The following ATP8B4 variants were observed in gnomAD, a reference collection of about 807,000 sequenced individuals.
The protein encoded by ATP8B4 is ATPase phospholipid transporting 8B4 (putative).
ATP8B4 carries 133 observed loss-of-function variants against 145.6 expected under a neutral mutation model. The ratio of observed to expected loss-of-function variants is 0.91; its 90% confidence interval spans 0.79 to 1.05. ATP8B4 has a LOEUF of 1.05. Ranked by LOEUF, ATP8B4 falls within the 50% of genes least tolerant of loss-of-function variation. The pLI, the probability that ATP8B4 is intolerant of heterozygous loss-of-function variation, is 0.00. For missense variants in ATP8B4, 1,458 were observed against 1,425.2 expected (o/e 1.02, Z -0.37); for synonymous variants, 507 against 492.9 (o/e 1.03, Z -0.38).
rs1438878747 is a variant in ATP8B4, at chr15:49,862,331, T to C, written c.3211A>G (p.Ile1071Val). 1 of 1,613,696 alleles carries C rather than the reference T, an allele frequency of 6.2e-7. No individual in the cohort carries two copies. Among genetic ancestry groups the C allele is most frequent in the Non-Finnish European group, 8.5e-7 (1 of 1,179,768 alleles). Reference sequence around the variant, plus strand: ...ACTGAAGCCACTGTTGTTAAGAGAATTACAAGCCAGATGCACTTCTGGGTC... The same window carrying C: ...ACTGAAGCCACTGTTGTTAAGAGAACTACAAGCCAGATGCACTTCTGGGTC... Reference protein sequence around the residue: ...SLTQKCIWLVILLTTVASVMP... With the variant: ...SLTQKCIWLVVLLTTVASVMP... The change falls in exon 27 of 28, where the codon ATT becomes GTT. Residue 1071 changes from isoleucine (I) to valine (V), a missense_variant. Physicochemically the swap from Ile to Val is conservative, Grantham distance 29. Coordinates refer to ENST00000284509, the MANE Select transcript of ATP8B4 (RefSeq NM_024837.4).
rs762314630 is a variant in ATP8B4, at chr15:49,862,325, A to C, written c.3217T>G (p.Leu1073Val). Reference sequence around the variant, plus strand: ...GGCATAACTGAAGCCACTGTTGTTAAGAGAATTACAAGCCAGATGCACTTC... The same window carrying C: ...GGCATAACTGAAGCCACTGTTGTTACGAGAATTACAAGCCAGATGCACTTC... ...TQKCIWLVIL[L>V]TTVASVMPVV... Residue 1073 changes from leucine (L) to valine (V), a missense_variant, in exon 27 of 28, where the codon TTA (leucine) becomes GTA (valine). Transcript: ENST00000284509. 2 of 1,613,904 alleles carry C rather than the reference A, an allele frequency of 1.2e-6. No homozygotes were observed. The highest frequency in any genetic ancestry group is 4.5e-5 in the East Asian group (2 of 44,824).
At chr15:50,174,113 T>C (rs1304717340) in intron 1 of ATP8B4, among the ~76,000 whole-genome samples, 1 of 152,152 alleles carries the variant, frequency 6.6e-6, no homozygotes, top group Non-Finnish European at 1.5e-5. Flanking sequence ...ATTAAAACTT[T>C]CAGCAAAATC....
At chr15:50,180,947 C>G (rs2044838140) in intron 1 of ATP8B4, among the ~76,000 whole-genome samples, 2 of 152,094 alleles carry the variant, frequency 1.3e-5, no homozygotes, top group Non-Finnish European at 1.5e-5. Context: ...GGACAGAAAC[C>G]TAGAGAATAG....
chr15:50,038,093 C>T (rs543237899), intron 6 of ATP8B4, among the ~76,000 whole-genome samples: 18 of 151,950 alleles, frequency 1.2e-4, no homozygotes, highest in Non-Finnish European at 1.6e-4. Context: ...GCCACATTAT[C>T]ATTAGCAAAA....
intron 23 of ATP8B4, chr15:49,897,053 A>G (rs758152881): frequency 1.8e-5 from 8 of 454,434 alleles, no homozygotes; most frequent in Non-Finnish European, 3.1e-5. Context: ...TGGAAGGAGT[A>G]CTCACTGGTT....
Position 49,953,479 on chromosome 15 carries a change from C to G in ATP8B4, c.1287+8498G>C, listed in dbSNP as rs1170625076. On this transcript the variant is annotated intron_variant, in intron 14 of 27. Transcript: ENST00000284509. ...TGGGTCAGGGTTAGACCTGAAGAGG[C>G]CCTCTGGCCGCAGACTACCACAGCC... Among the ~76,000 whole-genome samples, 7 of 152,194 alleles carry G rather than the reference C, an allele frequency of 4.6e-5. No individual in the cohort carries two copies. The East Asian group carries it at 1.3e-3, about 29-fold the overall frequency.
chr15:49,957,566 AG>A (rs890623502), intron 14 of ATP8B4, among the ~76,000 whole-genome samples: 40 of 152,114 alleles, frequency 2.6e-4, no homozygotes, highest in Non-Finnish European at 4.3e-4. Flanking sequence ...CCTAAATCAA[AG>A]TAATTCAGAA....
chr15:50,004,267 C>T (rs1003361088), intron 7 of ATP8B4, among the ~76,000 whole-genome samples: 5 of 152,110 alleles, frequency 3.3e-5, no homozygotes, highest in South Asian at 2.1e-4. Flanking sequence ...GGAGGATAAG[C>T]GGTCAATGCG....
At chr15:49,932,898 C>A (rs2041392089) in intron 15 of ATP8B4, among the ~76,000 whole-genome samples, 1 of 151,952 alleles carries the variant, frequency 6.6e-6, no homozygotes, top group African/African-American at 2.4e-5. Context: ...ATAGAACCCT[C>A]CTTATAATTG....
chr15:50,168,974 G>C (rs570911332), intron 1 of ATP8B4, among the ~76,000 whole-genome samples: 1 of 152,252 alleles, frequency 6.6e-6, no homozygotes, highest in Non-Finnish European at 1.5e-5. Flanking sequence ...TAGGTACACA[G>C]CTTCAGTGAC....
chr15:49,931,628 A>G (rs1426340840), intron 15 of ATP8B4, among the ~76,000 whole-genome samples: 2 of 152,088 alleles, frequency 1.3e-5, no homozygotes, highest in Admixed American at 1.3e-4. Context: ...GAGATGTGCC[A>G]TGAATGTTTT....
At chr15:49,996,636 G>T (rs1453084699) in intron 9 of ATP8B4, 41 bp downstream of exon 9, 10 of 1,449,830 alleles carry the variant, frequency 6.9e-6, no homozygotes, top group South Asian at 1.3e-5. Flanking sequence ...TTGCTTTTTG[G>T]GTTTGAGGTT....
chr15:49,987,444 C>T lies in ATP8B4; in HGVS notation c.695G>A (p.Arg232Lys). The change falls in exon 10 of 28, where the codon AGA (arginine) becomes AAA (lysine). Residue 232 changes from arginine to lysine, a missense_variant. Physicochemically the swap from Arg to Lys is conservative, Grantham distance 26 (BLOSUM62 2). Coordinates refer to ENST00000284509, the MANE Select transcript of ATP8B4 (RefSeq NM_024837.4). The part of the protein sequence containing the change: ...HSLNNEKIIL[R>K]GCILRNTSWC... ...GCTGGTATTTCTCAGGATGCAGCCT[C>T]TCAGGATTATCTTCTCATTGTTGAG... 2 of 1,613,920 alleles carry T rather than the reference C, an allele frequency of 1.2e-6. No homozygotes were observed. Among genetic ancestry groups the T allele is most frequent in the South Asian group, 2.2e-5 (2 of 91,082 alleles).
At chr15:50,043,345 C>T (rs1212169840) in intron 5 of ATP8B4, among the ~76,000 whole-genome samples, 1 of 152,200 alleles carries the variant, frequency 6.6e-6, no homozygotes, top group Non-Finnish European at 1.5e-5. Context: ...AGTTTCCTGA[C>T]TTTTGAAGCT....
chr15:50,019,968 C>CT (rs34120425), intron 6 of ATP8B4, among the ~76,000 whole-genome samples: 18,480 of 148,724 alleles, frequency 0.12, 1,332 homozygotes, highest in African/African-American at 0.21. Flanking sequence ...GGCCAAATGA[C>CT]TTTTTTTTTT....
In ATP8B4 at chr15:49,860,058, G is replaced by T; in HGVS notation, c.*136C>A. On this transcript the variant is annotated 3_prime_UTR_variant, in exon 28 of 28. Transcript: ENST00000284509. ...TCCTGTTTGATGGGCACTGGCAGTT[G>T]TCTGCCGCAGATTTAAGTTAAGTGA... 2.1e-5 allele frequency: 22 copies of T among 1,070,872 alleles called. No homozygotes were observed. Among genetic ancestry groups the T allele is most frequent in the Non-Finnish European group, 2.9e-5 (22 of 746,446 alleles). The allele number at this position is 1,070,872 out of a possible 1,614,324, so 66.3% of individuals were successfully genotyped here.
chr15:49,865,772 A>G (rs1195369268), intron 26 of ATP8B4, among the ~76,000 whole-genome samples: 2 of 152,182 alleles, frequency 1.3e-5, no homozygotes, highest in Non-Finnish European at 2.9e-5. Context: ...TCTCGCATGG[A>G]AAGAAGAAAC....
intron 1 of ATP8B4, among the ~76,000 whole-genome samples, chr15:50,110,190 A>G (rs546394278): frequency 2.0e-5 from 3 of 152,346 alleles, no homozygotes; most frequent in African/African-American, 4.8e-5. Context: ...GTTGTTTCTT[A>G]TTAATGATCC....
At chr15:49,957,197 T>C (rs528705233) in intron 14 of ATP8B4, among the ~76,000 whole-genome samples, 129 of 152,136 alleles carry the variant, frequency 8.5e-4, no homozygotes, top group African/African-American at 2.9e-3. Context: ...TAGGAAAATA[T>C]GAGGAAACGA....
Sources: allele counts gnomAD v4.1 joint callset (sites outside exome capture counted in the v4.1 genomes callset), GRCh38; gene constraint gnomAD v4.1.1; transcripts MANE v1.5; gene names NCBI Gene and HGNC (gene_info 2026-07-23, HGNC 2026-07-21).